Variants in SYK observed in about 807,000 individuals in gnomAD.
SYK encodes the protein tyrosine-protein kinase SYK.
In SYK, 16 loss-of-function variants were observed where a neutral mutation model predicts 77.8. That is an observed-to-expected ratio of 0.21 (90% confidence interval 0.14 to 0.31). The LOEUF is 0.31. Ranked by LOEUF, SYK falls within the 10% of genes least tolerant of loss-of-function variation. The pLI is 1.00. For synonymous variants in SYK, 312 were observed against 308.7 expected (o/e 1.01, Z -0.11); for missense variants, 529 against 814.4 (o/e 0.65, Z 4.26).
intron 7 of SYK, among the ~76,000 whole-genome samples, chr9:90,868,808 A>G (rs1259916298): frequency 6.6e-6 from 1 of 152,224 alleles, no homozygotes; most frequent in Non-Finnish European, 1.5e-5. Context: ...CTAAGTATGT[A>G]CAGATATTCT....
chr9:90,879,500 T>A (rs1828067857), intron 11 of SYK, among the ~76,000 whole-genome samples: 1 of 152,258 alleles, frequency 6.6e-6, no homozygotes, highest in Non-Finnish European at 1.5e-5. Context: ...TATTGCAGCT[T>A]GGAGCTATTC....
rs546150607 is a variant in SYK at position 90,815,763 on chromosome 9, G to A, written c.-42+13870G>A. ...TTCTTTATAGTCCCACGTGAAAAGG[G>A]GAATGTGCTCGGCTCTGTGCTTGTT... On this transcript the variant is annotated intron_variant, in intron 1 of 13. Transcript: ENST00000375754. 1.3e-4 allele frequency among the ~76,000 whole-genome samples: 20 copies of A among 152,356 alleles called. No homozygotes were observed. In the South Asian group the frequency reaches 4.1e-3, roughly 32 times the overall value.
chr9:90,862,410 G>C, intron 4 of SYK, 66 bp downstream of exon 4: 1 of 1,540,478 alleles, frequency 6.5e-7, no homozygotes, highest in Non-Finnish European at 8.8e-7. Flanking sequence ...TTGTCCCATG[G>C]ACTCTTAGAC....
At chr9:90,844,600 T>C (rs896048097) in intron 2 of SYK, among the ~76,000 whole-genome samples, 2 of 152,220 alleles carry the variant, frequency 1.3e-5, no homozygotes, top group African/African-American at 4.8e-5. Flanking sequence ...CAGAGAGGCA[T>C]TGATAGGTGT....
intron 7 of SYK, among the ~76,000 whole-genome samples, chr9:90,870,802 T>C (rs1827701446): frequency 6.6e-6 from 1 of 152,218 alleles, no homozygotes; most frequent in South Asian, 2.1e-4. Context: ...GCTGGCTCTT[T>C]TGTCACTATT....
chr9:90,811,723 G>T (rs1825078224), intron 1 of SYK, among the ~76,000 whole-genome samples: 1 of 151,174 alleles, frequency 6.6e-6, no homozygotes, highest in Non-Finnish European at 1.5e-5. Context: ...TTTGAAGCCA[G>T]CCTGGGCAAT....
intron 9 of SYK, among the ~76,000 whole-genome samples, chr9:90,875,058 G>A (rs557936684): frequency 6.6e-6 from 1 of 152,040 alleles, no homozygotes; most frequent in Admixed American, 6.5e-5. Flanking sequence ...AATAGTACAT[G>A]CACCTTATGG....
chr9:90,835,447 G>A (rs1826039612), intron 1 of SYK, among the ~76,000 whole-genome samples: 2 of 152,196 alleles, frequency 1.3e-5, no homozygotes, highest in African/African-American at 2.4e-5. Flanking sequence ...GACAAAATGA[G>A]TGAGAGGTCT....
intron 1 of SYK, among the ~76,000 whole-genome samples, chr9:90,803,519 G>A (rs541843759): frequency 6.6e-6 from 1 of 152,186 alleles, no homozygotes; most frequent in East Asian, 1.9e-4. Flanking sequence ...CCTGAGAGAT[G>A]AAATTGGTAG....
At chr9:90,853,110 G>C (rs889474146) in intron 3 of SYK, among the ~76,000 whole-genome samples, 3 of 151,768 alleles carry the variant, frequency 2.0e-5, no homozygotes, top group African/African-American at 7.3e-5. Context: ...CATGGTCTTG[G>C]TGGGAAAAAT....
At chr9:90,872,500 AGAG>A (rs1051838379) in intron 7 of SYK, among the ~76,000 whole-genome samples, 29 of 152,370 alleles carry the variant, frequency 1.9e-4, no homozygotes, top group African/African-American at 6.7e-4. Flanking sequence ...ACTGGGCAAA[AGAG>A]GAGGACAGAA....
chr9:90,868,022 T>A (rs1452714939), intron 7 of SYK, among the ~76,000 whole-genome samples: 1 of 152,202 alleles, frequency 6.6e-6, no homozygotes, highest in Admixed American at 6.5e-5. Flanking sequence ...AGCATATAAT[T>A]GAGCATCCAC....
intron 8 of SYK, 142 bp from the exon 9 acceptor site, chr9:90,874,530 C>G: frequency 8.8e-7 from 1 of 1,133,542 alleles, no homozygotes; most frequent in Non-Finnish European, 1.3e-6. Flanking sequence ...TGGAAATGTC[C>G]CTGCCACTCT....
chr9:90,850,049 C>T (rs1826757178), intron 3 of SYK, among the ~76,000 whole-genome samples: 1 of 152,214 alleles, frequency 6.6e-6, no homozygotes, highest in Admixed American at 6.5e-5. Flanking sequence ...GTGAGTCATT[C>T]TTCTGCAGGT....
chr9:90,865,820 GGAA>G (rs1006965369), intron 6 of SYK, among the ~76,000 whole-genome samples: 30 of 151,592 alleles, frequency 2.0e-4, no homozygotes, highest in African/African-American at 6.6e-4. Context: ...CAGCCTGTTA[GGAA>G]GTCAGGTACA....
chr9:90,819,961 A>G (rs1013489166), intron 1 of SYK, among the ~76,000 whole-genome samples: 1 of 152,232 alleles, frequency 6.6e-6, no homozygotes, highest in African/African-American at 2.4e-5. Context: ...ACCCATTCCA[A>G]CTGGGAGAAA....
intron 1 of SYK, among the ~76,000 whole-genome samples, chr9:90,838,530 CA>C (rs1326933693): frequency 6.6e-6 from 1 of 152,210 alleles, no homozygotes; most frequent in Non-Finnish European, 1.5e-5. Flanking sequence ...AAGGGATTTG[CA>C]GTGTTTTCAG....
intron 3 of SYK, among the ~76,000 whole-genome samples, chr9:90,852,880 G>A (rs1340965631): frequency 6.6e-6 from 1 of 152,196 alleles, no homozygotes. Flanking sequence ...TGCCCTCACC[G>A]GACTTTGACT....
chr9:90,805,641 T>C lies in SYK; in HGVS notation c.-42+3748T>C, dbSNP rs1245727474. Among the ~76,000 whole-genome samples the C allele has an allele frequency of 2.0e-5, 3 of 152,252 alleles. No individual in the cohort carries two copies. The East Asian group carries it at 5.8e-4, about 29-fold the overall frequency. ...TATGACCTTTCATTTCTCCCCTCCA[T>C]TGGTTTGTCTTAACTGATAAATCTT... On this transcript the variant is annotated intron_variant, in intron 1 of 13. Coordinates refer to ENST00000375754, the MANE Select transcript of SYK (RefSeq NM_003177.7).
Sources: gnomAD v4.1 joint callset for allele counts (sites outside exome capture counted in the v4.1 genomes callset) on GRCh38, gnomAD v4.1.1 for gene constraint, MANE v1.5 for transcripts, NCBI Gene and HGNC (gene_info 2026-07-23, HGNC 2026-07-21) for gene names.